The following NEGR1 variants were observed in gnomAD, a reference collection of about 807,000 sequenced individuals.
NEGR1 encodes the protein IgLON family member 4.
NEGR1 carries 10 observed loss-of-function variants against 40.9 expected under a neutral mutation model. The ratio of observed to expected loss-of-function variants is 0.24; its 90% confidence interval spans 0.15 to 0.42. The LOEUF (loss-of-function observed/expected upper bound fraction) is 0.42. Among genes scored for constraint, NEGR1 ranks in the 10% least tolerant of loss-of-function variants. NEGR1 has a pLI of 1.00. For missense variants in NEGR1, 352 were observed against 438.9 expected (o/e 0.80, Z 1.77); for synonymous variants, 185 against 166.8 (o/e 1.11, Z -0.84).
At chr1:71,539,674 G>C (rs1309454895) in intron 6 of NEGR1, among the ~76,000 whole-genome samples, 1 of 151,596 alleles carries the variant, frequency 6.6e-6, no homozygotes, top group Non-Finnish European at 1.5e-5. Flanking sequence ...TCAAAACTAA[G>C]AAAAGATGCG....
intron 3 of NEGR1, among the ~76,000 whole-genome samples, chr1:71,705,893 A>T (rs1462672387): frequency 6.6e-6 from 1 of 152,130 alleles, no homozygotes; most frequent in Admixed American, 6.5e-5. Context: ...GGAAGGAAGG[A>T]GCCAGAAGGC....
chr1:72,158,967 G>T (rs1477568196), intron 1 of NEGR1, among the ~76,000 whole-genome samples: 2 of 152,114 alleles, frequency 1.3e-5, no homozygotes, highest in East Asian at 3.9e-4. Context: ...AATCTAAAAT[G>T]AAATCAAACA....
intron 3 of NEGR1, among the ~76,000 whole-genome samples, chr1:71,763,919 G>A (rs1335460108): frequency 6.6e-6 from 1 of 152,130 alleles, no homozygotes; most frequent in Admixed American, 6.5e-5. Flanking sequence ...ACAAAGAGGA[G>A]CATTCATTGG....
intron 1 of NEGR1, among the ~76,000 whole-genome samples, chr1:71,969,453 A>G (rs1039571690): frequency 2.0e-5 from 3 of 152,216 alleles, no homozygotes; most frequent in African/African-American, 7.2e-5. Flanking sequence ...TAGAAAAAGC[A>G]TATGGGTAAA....
chr1:71,882,013 A>T (rs1660596895), intron 2 of NEGR1, among the ~76,000 whole-genome samples: 1 of 152,104 alleles, frequency 6.6e-6, no homozygotes, highest in Non-Finnish European at 1.5e-5. Flanking sequence ...ATTAATCTGT[A>T]ACTGACAGAT....
At chr1:71,743,958 T>G (rs1327420586) in intron 3 of NEGR1, among the ~76,000 whole-genome samples, 1 of 152,164 alleles carries the variant, frequency 6.6e-6, no homozygotes, top group South Asian at 2.1e-4. Context: ...ATTGGAAATA[T>G]GATCTGTCTT....
At position 71,683,152 on chromosome 1, in the gene NEGR1, C is replaced by A. The variant is rs554245861; in HGVS notation, c.667+14856G>T. 3.3e-5 allele frequency among the ~76,000 whole-genome samples: 5 copies of A among 152,226 alleles called. No homozygotes were observed. In the South Asian group the frequency reaches 1.0e-3, roughly 32 times the overall value. The stretch of plus-strand genomic sequence containing the variant: ...GGAGAATTTTTCCATAAAATCAGAG[C>A]TAAACGAGGCAGGAAATATTCCTTG... On this transcript the variant is annotated intron_variant, in intron 4 of 6. Transcript: ENST00000357731.
At chr1:71,706,303 G>A (rs536806114) in intron 3 of NEGR1, among the ~76,000 whole-genome samples, 1 of 152,276 alleles carries the variant, frequency 6.6e-6, no homozygotes, top group South Asian at 2.1e-4. Context: ...CCTAGCCAGA[G>A]GGGAATTGCC....
chr1:71,507,159 G>A (rs1557549526), intron 6 of NEGR1, among the ~76,000 whole-genome samples: 1 of 152,212 alleles, frequency 6.6e-6, no homozygotes, highest in African/African-American at 2.4e-5. Context: ...AGAGAACACT[G>A]TAAAAGCTGT....
At chr1:72,113,674 T>C (rs1569986578) in intron 1 of NEGR1, among the ~76,000 whole-genome samples, 1 of 151,688 alleles carries the variant, frequency 6.6e-6, no homozygotes, top group Non-Finnish European at 1.5e-5. Context: ...CCTACTTTAG[T>C]ACAGTATTTC....
chr1:71,758,228 T>C (rs1032870647), intron 3 of NEGR1, among the ~76,000 whole-genome samples: 19 of 152,134 alleles, frequency 1.2e-4, no homozygotes, highest in African/African-American at 4.6e-4. Flanking sequence ...AAATGATGTT[T>C]ATTCTGTAAC....
At chr1:72,268,159 T>C (rs947665879) in intron 1 of NEGR1, among the ~76,000 whole-genome samples, 7 of 151,304 alleles carry the variant, frequency 4.6e-5, no homozygotes, top group Admixed American at 1.3e-4. Flanking sequence ...ATGTAACAAA[T>C]TCTTTAACTA....
At chr1:71,629,957 T>A (rs1215013354) in intron 4 of NEGR1, among the ~76,000 whole-genome samples, 1 of 151,962 alleles carries the variant, frequency 6.6e-6, no homozygotes. Flanking sequence ...TAATTTCCAT[T>A]TCTCAGAGCA....
intron 4 of NEGR1, among the ~76,000 whole-genome samples, chr1:71,648,922 C>T (rs956384392): frequency 6.6e-6 from 1 of 151,994 alleles, no homozygotes; most frequent in Non-Finnish European, 1.5e-5. Context: ...TCATTCGTTC[C>T]ATTCAGTTCC....
intron 6 of NEGR1, among the ~76,000 whole-genome samples, chr1:71,525,194 T>TG (rs1647201738): frequency 1.3e-5 from 2 of 151,786 alleles, no homozygotes; most frequent in African/African-American, 4.8e-5. Context: ...CACAATCACA[T>TG]TCATCTAATC....
chr1:71,721,292 T>C (rs976408670), intron 3 of NEGR1, among the ~76,000 whole-genome samples: 2 of 152,120 alleles, frequency 1.3e-5, no homozygotes, highest in Non-Finnish European at 2.9e-5. Flanking sequence ...CAGCTAATGA[T>C]GGAGGTCAGT....
At chr1:71,984,540 C>T (rs2100345140) in intron 1 of NEGR1, among the ~76,000 whole-genome samples, 1 of 152,234 alleles carries the variant, frequency 6.6e-6, no homozygotes, top group East Asian at 1.9e-4. Flanking sequence ...GTTATGCTGA[C>T]TCTGGGATTA....
At chr1:71,597,635 G>C (rs1286408140) in intron 5 of NEGR1, among the ~76,000 whole-genome samples, 1 of 151,680 alleles carries the variant, frequency 6.6e-6, no homozygotes, top group Non-Finnish European at 1.5e-5. Context: ...TCAGCATTGT[G>C]GCTGGGCATG....
At chr1:71,699,621 G>T (rs565880200) in intron 3 of NEGR1, among the ~76,000 whole-genome samples, 3 of 151,698 alleles carry the variant, frequency 2.0e-5, no homozygotes, top group Non-Finnish European at 4.4e-5. Flanking sequence ...AGTAAGGATG[G>T]TATTAAATAT....
Sources: gnomAD v4.1 joint callset for allele counts (sites outside exome capture counted in the v4.1 genomes callset) on GRCh38, gnomAD v4.1.1 for gene constraint, MANE v1.5 for transcripts, NCBI Gene and HGNC (gene_info 2026-07-23, HGNC 2026-07-21) for gene names.